Variants in TTC19 observed in about 807,000 individuals in gnomAD.
TTC19 encodes the protein tetratricopeptide repeat domain 19.
In TTC19, 38 loss-of-function variants were observed where a neutral mutation model predicts 49.5. The observed-to-expected ratio is 0.77, with a 90% CI of 0.59 to 1.01. The LOEUF is 1.01. Ranked by LOEUF, TTC19 falls within the 50% of genes least tolerant of loss-of-function variation. The pLI is 0.00. For missense variants in TTC19, 475 were observed against 477.7 expected, an observed-to-expected ratio of 0.99 and a Z score of 0.05; for synonymous variants, 204 against 185.2, an observed-to-expected ratio of 1.10 and a Z score of -0.83.
At chr17:16,026,960 C>A in intron 9 of TTC19, 1 of 563,720 alleles carries the variant, frequency 1.8e-6, no homozygotes, top group Admixed American at 2.9e-5. Flanking sequence ...TAGTACCTTA[C>A]GTCAGTAGTG....
In TTC19 at chr17:16,027,575, C is replaced by T; in HGVS notation, c.*53C>T. The T allele has an allele frequency of 6.3e-7, 1 of 1,594,976 alleles. No homozygotes were observed. ...TCTAGTAATGTGGAAGAATAGCTAT[C>T]ATTCCTGTCTCTGTGGCACCCGATC... On this transcript the variant is annotated 3_prime_UTR_variant, in exon 10 of 10. Coordinates refer to ENST00000261647, the MANE Select transcript of TTC19 (RefSeq NM_017775.4).
At chr17:16,012,142 G>A (rs946896135) in intron 7 of TTC19, among the ~76,000 whole-genome samples, 9 of 151,784 alleles carry the variant, frequency 5.9e-5, no homozygotes, top group Admixed American at 1.3e-4. Context: ...TTATAGAGTG[G>A]GGTTTTTTTT....
rs919973331 is a variant in TTC19, at chr17:16,044,931, G to A, written c.*376G>A. 6.4e-6 allele frequency: 4 copies of A among 628,078 alleles called. No individual in the cohort carries two copies. In the African/African-American group the frequency reaches 7.4e-5, roughly 12 times the overall value. 38.9% of individuals were successfully genotyped at this position (628,078 alleles called of 1,614,324 possible). ...CAAAGAAGAATCTGAGGAGTCTGAT[G>A]ATGACATGGGCTTTTGGTTGTTTTG... On this transcript the variant is annotated 3_prime_UTR_variant, in exon 3 of 3. Coordinates refer to the TTC19 transcript ENST00000470649.
rs1326633555 is a variant in TTC19, at chr17:16,026,694, T to A, written c.986T>A (p.Met329Lys). ...CTCAGTAATCTAGCTGCAGTTTTGA[T>A]GCACAGAGGTAGGTAGCAATGTAAA... ...MVLSNLAAVL[M>K]HRERYTQAKE... Residue 329 changes from methionine (M) to lysine (K), a missense_variant, in exon 9 of 10, where the codon ATG becomes AAG. Physicochemically the swap from Met to Lys is moderately conservative, Grantham distance 95. Coordinates refer to ENST00000261647, the MANE Select transcript of TTC19 (RefSeq NM_017775.4). The A allele has an allele frequency of 1.2e-6, 2 of 1,613,984 alleles. No individual in the cohort carries two copies. The highest frequency in any genetic ancestry group is 2.7e-5 in the African/African-American group (2 of 74,924).
chr17:16,031,682 A>C (rs1342624605), downstream of TTC19: 2 of 227,576 alleles, frequency 8.8e-6, no homozygotes, highest in African/African-American at 4.4e-5. Context: ...CCTAATGTAC[A>C]GATTTTATGA....
At chr17:16,010,623 C>T (rs1368288174) in intron 7 of TTC19, among the ~76,000 whole-genome samples, 11 of 151,500 alleles carry the variant, frequency 7.3e-5, no homozygotes, top group Non-Finnish European at 1.2e-4. Context: ...TACAGGCACC[C>T]GCCACCACAC....
chr17:16,023,263 G>GT (rs1971440149), intron 7 of TTC19: 1 of 152,172 alleles, frequency 6.6e-6, no homozygotes, highest in Admixed American at 6.5e-5. Context: ...TCTCTAAAAA[G>GT]TTTTACTGCT....
At chr17:16,042,811 A>T (rs1427912756) in intron 2 of TTC19, among the ~76,000 whole-genome samples, 1 of 152,192 alleles carries the variant, frequency 6.6e-6, no homozygotes, top group Non-Finnish European at 1.5e-5. Flanking sequence ...AATTTTAGAT[A>T]TTTAAGGAGC....
chr17:16,021,628 T>C (rs1971387937), intron 7 of TTC19, among the ~76,000 whole-genome samples: 1 of 152,058 alleles, frequency 6.6e-6, no homozygotes, highest in Non-Finnish European at 1.5e-5. Flanking sequence ...AGTGGCTATT[T>C]GTGAGGGAAA....
At position 16,026,553 on chromosome 17, in the gene TTC19, T is replaced by C. The variant is rs763440675; in HGVS notation, c.845T>C (p.Met282Thr). ...TTTTACATACAGACCATTGTGCTGA[T>C]GAGTGACCTGGCTACTACCCTGGAT... ...GERHPQTIVL[M>T]SDLATTLDAQ... The change falls in exon 9 of 10, where the codon ATG becomes ACG. Residue 282 changes from methionine (M) to threonine (T), a missense_variant. Physicochemically the swap from Met to Thr is moderately conservative, Grantham distance 81 (BLOSUM62 -1). Transcript: ENST00000261647. The C allele has an allele frequency of 1.9e-6, 3 of 1,614,176 alleles. No homozygotes were observed. Among genetic ancestry groups the C allele is most frequent in the South Asian group, 2.2e-5 (2 of 91,076 alleles).
Position 16,026,625 on chromosome 17 carries a change from C to G in TTC19, c.917C>G (p.Ser306Ter), listed in dbSNP as rs746523339. 4 of 1,614,118 alleles carry G rather than the reference C, an allele frequency of 2.5e-6. No homozygotes were observed. The highest frequency in any genetic ancestry group is 8.5e-7 in the Non-Finnish European group (1 of 1,179,978). The stretch of plus-strand genomic sequence containing the variant: ...GCCTATATTTATATGCAAAGGGCAT[C>G]AGATCTGGCAAGACAGATAAATCAT... The part of the protein sequence containing the change: ...DEAYIYMQRA[S>*]DLARQINHPE... The change falls in exon 9 of 10, where the codon TCA (serine) becomes TGA (stop). Residue 306 changes from serine (S) to a stop codon, truncating the protein, a stop_gained. Transcript: ENST00000261647. LOFTEE classifies it high-confidence loss of function.
In TTC19 at chr17:16,034,439, T is replaced by G. The variant is rs138990753; in HGVS notation, c.247+7737T>G. 1.6e-3 allele frequency among the ~76,000 whole-genome samples: 239 copies of G among 151,716 alleles called. 1 individual carries two copies. The highest frequency in any genetic ancestry group is 5.0e-3 in the African/African-American group (207 of 41,372). ...CCTTGTCCCTACAAAAAATAAAAATTAAAATGAAAATGAAAAAAATTAGCC... is the reference window on the plus strand; with the variant it reads ...CCTTGTCCCTACAAAAAATAAAAATGAAAATGAAAATGAAAAAAATTAGCC... On this transcript the variant is annotated intron_variant, in intron 2 of 2. Transcript: ENST00000470649.
intron 2 of TTC19, among the ~76,000 whole-genome samples, chr17:16,043,116 G>C (rs903058905): frequency 6.6e-6 from 1 of 152,220 alleles, no homozygotes; most frequent in African/African-American, 2.4e-5. Flanking sequence ...AGAAAGCCAA[G>C]AGAGGAAAGC....
At chr17:16,025,192 AG>A (rs773512385) in intron 8 of TTC19, 21 bp downstream of exon 8, 2 of 1,610,654 alleles carry the variant, frequency 1.2e-6, no homozygotes, top group African/African-American at 1.3e-5. Context: ...AAAACACAGA[AG>A]GGGGAATATA....
intron 4 of TTC19, 78 bp downstream of exon 4, chr17:16,002,909 T>C: frequency 7.7e-7 from 1 of 1,306,922 alleles, no homozygotes; most frequent in Non-Finnish European, 1.1e-6. Flanking sequence ...GAGTACAGGC[T>C]AAGCTGCTAT....
downstream of TTC19, chr17:16,032,487 A>C (rs750314034): frequency 1.9e-6 from 3 of 1,560,516 alleles, no homozygotes; most frequent in East Asian, 7.0e-5. Context: ...GTTGAGCCTG[A>C]CAAAAGAAAA....
At chr17:16,011,913 G>C (rs1265846496) in intron 7 of TTC19, among the ~76,000 whole-genome samples, 1 of 152,148 alleles carries the variant, frequency 6.6e-6, no homozygotes, top group Non-Finnish European at 1.5e-5. Flanking sequence ...ATTGTGATAA[G>C]CCTATGTCCT....
At position 16,029,199 on chromosome 17, in the gene TTC19, C is replaced by T. The variant is rs1971740338; in HGVS notation, c.*1677C>T. Reference sequence around the variant, plus strand: ...TATTTATTTATTAATTTTAAATCATCCACAGTGACTCAGCTCATGGTCTCG... The same window carrying T: ...TATTTATTTATTAATTTTAAATCATTCACAGTGACTCAGCTCATGGTCTCG... On this transcript the variant is annotated 3_prime_UTR_variant, in exon 10 of 10. Transcript: ENST00000261647. 2.2e-6 allele frequency: 1 copy of T among 453,666 alleles called. No individual in the cohort carries two copies. The highest frequency in any genetic ancestry group is 4.4e-6 in the Non-Finnish European group (1 of 226,712). The allele number at this position is 453,666 out of a possible 1,614,324, so 28.1% of individuals were successfully genotyped here.
intron 7 of TTC19, among the ~76,000 whole-genome samples, chr17:16,011,084 C>T (rs1447178212): frequency 6.6e-6 from 1 of 152,226 alleles, no homozygotes; most frequent in Non-Finnish European, 1.5e-5. Context: ...TACTTGCTTT[C>T]TTCAATTCAT....
Sources: allele counts gnomAD v4.1 joint callset (sites outside exome capture counted in the v4.1 genomes callset), GRCh38; gene constraint gnomAD v4.1.1; transcripts MANE v1.5; gene names NCBI Gene and HGNC (gene_info 2026-07-23, HGNC 2026-07-21).